MBNL2: variants seen among roughly 807,000 people sequenced by gnomAD.
MBNL2 encodes muscleblind-like protein 2.
MBNL2 carries 17 observed loss-of-function variants against 41.9 expected under a neutral mutation model. The observed-to-expected ratio is 0.41, with a 90% CI of 0.28 to 0.61. The LOEUF is 0.61. Ranked by LOEUF, MBNL2 falls within the 20% of genes least tolerant of loss-of-function variation. MBNL2 has a pLI of 0.35. For synonymous variants in MBNL2, 195 were observed against 182.9 expected, an observed-to-expected ratio of 1.07 and a Z score of -0.53; for missense variants, 336 against 505.6, an observed-to-expected ratio of 0.66 and a Z score of 3.22.
chr13:97,352,473 A>G (rs955374745), intron 5 of MBNL2, among the ~76,000 whole-genome samples: 3 of 152,242 alleles, frequency 2.0e-5, no homozygotes, highest in Admixed American at 6.5e-5. Context: ...GGTGATAGCC[A>G]GTGAGTGCAG....
the MBNL2 span, among the ~76,000 whole-genome samples, chr13:97,181,561 T>TA: frequency 6.6e-6 from 1 of 152,310 alleles, no homozygotes; most frequent in East Asian, 1.9e-4. Flanking sequence ...GTTTTGCTCC[T>TA]AAAAAATTCT....
chr13:97,223,480 C>A (rs2041112992), intron 1 of MBNL2, among the ~76,000 whole-genome samples: 1 of 152,066 alleles, frequency 6.6e-6, no homozygotes, highest in Non-Finnish European at 1.5e-5. Flanking sequence ...TTTTGTTAGG[C>A]CTCGGAAGCA....
intron 1 of MBNL2, among the ~76,000 whole-genome samples, chr13:97,248,665 GAT>G (rs1020013407): frequency 2.0e-5 from 3 of 152,214 alleles, no homozygotes; most frequent in Admixed American, 2.0e-4. Context: ...TTGTGTTTAT[GAT>G]TACTGTAAAG....
At position 97,268,186 on chromosome 13, in the gene MBNL2, C is replaced by G. The variant is rs995803372; in HGVS notation, c.-604-7446C>G. 2.0e-5 allele frequency among the ~76,000 whole-genome samples: 3 copies of G among 152,318 alleles called. No homozygotes were observed. Among genetic ancestry groups the G allele is most frequent in the African/African-American group, 7.2e-5 (3 of 41,578 alleles). On this transcript the variant is annotated intron_variant, in intron 1 of 8. Transcript: ENST00000679496. This position sits in a 1 kb window ranked among gnomAD's most constrained non-coding sequence, Gnocchi z 4.6. Reference sequence around the variant, plus strand: ...CTTGGCTCACTGCAACCTCTGCCTCCTGGGTTCAAGTGATTCTCATGTCTC... The same window carrying G: ...CTTGGCTCACTGCAACCTCTGCCTCGTGGGTTCAAGTGATTCTCATGTCTC...
At chr13:97,388,521 C>T (rs1275519866) in intron 8 of MBNL2, among the ~76,000 whole-genome samples, 1 of 152,044 alleles carries the variant, frequency 6.6e-6, no homozygotes, top group Non-Finnish European at 1.5e-5. Context: ...CCTCTCCCTC[C>T]CGCCAGTCCC....
intron 1 of MBNL2, among the ~76,000 whole-genome samples, chr13:97,264,104 G>A (rs764800752): frequency 1.3e-5 from 2 of 149,972 alleles, no homozygotes; most frequent in African/African-American, 2.5e-5. Context: ...TCTGCCTCCC[G>A]AGTAGCTGGG....
At chr13:97,167,467 G>A in the MBNL2 span, among the ~76,000 whole-genome samples, 1 of 151,804 alleles carries the variant, frequency 6.6e-6, no homozygotes, top group Non-Finnish European at 1.5e-5. Context: ...AACCTAGAAA[G>A]TAAAGGGGAT....
chr13:97,209,119 A>G, the MBNL2 span, among the ~76,000 whole-genome samples: 2 of 152,240 alleles, frequency 1.3e-5, no homozygotes, highest in East Asian at 3.8e-4. Flanking sequence ...TTGGGTAATT[A>G]TATTTTAAAT....
chr13:97,190,737 G>A, the MBNL2 span, among the ~76,000 whole-genome samples: 8 of 152,140 alleles, frequency 5.3e-5, no homozygotes, highest in Admixed American at 4.6e-4. Flanking sequence ...CTCCTGTGAG[G>A]GATGACTCCG....
chr13:97,364,171 A>G (rs1207500767), intron 7 of MBNL2, among the ~76,000 whole-genome samples: 1 of 152,180 alleles, frequency 6.6e-6, no homozygotes, highest in Non-Finnish European at 1.5e-5. Context: ...CGTGTATGTT[A>G]TTATGACCAC....
At chr13:97,218,442 A>AAACAAAACAAC (rs1248985859), upstream of MBNL2, among the ~76,000 whole-genome samples, 29 of 145,594 alleles carry the variant, frequency 2.0e-4, 1 homozygote, top group African/African-American at 7.4e-4. Context: ...AAACAAAACA[A>AAACAAAACAAC]AAAAAAAAAA....
chr13:97,349,642 G>A (rs528773961), intron 5 of MBNL2, among the ~76,000 whole-genome samples: 3 of 152,128 alleles, frequency 2.0e-5, no homozygotes, highest in South Asian at 4.2e-4. Flanking sequence ...ATTCTTATGC[G>A]CCAGCCTCCC....
chr13:97,314,485 C>CTTT (rs2058867110), intron 2 of MBNL2, among the ~76,000 whole-genome samples: 1 of 152,310 alleles, frequency 6.6e-6, no homozygotes, highest in Admixed American at 6.5e-5. Context: ...AAGGCAGGGA[C>CTTT]TTTTGCCTGT....
chr13:97,327,157 G>A (rs1265460487), intron 2 of MBNL2, among the ~76,000 whole-genome samples: 1 of 152,172 alleles, frequency 6.6e-6, no homozygotes, highest in South Asian at 2.1e-4. Flanking sequence ...AGGTCTGTTT[G>A]ATCGAAATTT....
chr13:97,189,217 C>T, the MBNL2 span, among the ~76,000 whole-genome samples: 3 of 152,174 alleles, frequency 2.0e-5, no homozygotes, highest in Non-Finnish European at 4.4e-5. Context: ...TTATACTTAA[C>T]TGTCAAAACA....
At chr13:97,231,707 C>A (rs909174785) in intron 1 of MBNL2, among the ~76,000 whole-genome samples, 5 of 152,328 alleles carry the variant, frequency 3.3e-5, no homozygotes, top group African/African-American at 1.2e-4. Flanking sequence ...AGACGTCTAT[C>A]TTCTCAGTGG....
At chr13:97,390,751 A>G (rs892339380) in intron 8 of MBNL2, among the ~76,000 whole-genome samples, 1 of 152,174 alleles carries the variant, frequency 6.6e-6, no homozygotes, top group East Asian at 1.9e-4. Context: ...TTACTCTTTG[A>G]TATGTGACAT....
At chr13:97,318,795 A>T (rs1349423366) in intron 2 of MBNL2, among the ~76,000 whole-genome samples, 3 of 152,174 alleles carry the variant, frequency 2.0e-5, no homozygotes, top group Non-Finnish European at 4.4e-5. Context: ...TAGCTCACTA[A>T]GTTGGGCTGA....
rs1237961058 is a variant in MBNL2 at position 97,374,943 on chromosome 13, CA to C, written c.1048+9773del. 2.0e-5 allele frequency among the ~76,000 whole-genome samples: 3 copies of C among 152,258 alleles called. No individual in the cohort carries two copies. In the East Asian group the frequency reaches 5.8e-4, roughly 29 times the overall value. On this transcript the variant is annotated intron_variant, in intron 8 of 8. Transcript: ENST00000679496. The stretch of plus-strand genomic sequence containing the variant: ...CCATTTTCAAGGGATGAACAACGGG[CA>C]GGGTTTTCTTCTCTATAAGAGTTGC...
Sources: allele counts gnomAD v4.1 joint callset (sites outside exome capture counted in the v4.1 genomes callset), GRCh38; gene constraint gnomAD v4.1.1; non-coding constraint Gnocchi (gnomAD v3.1); transcripts MANE v1.5; gene names NCBI Gene and HGNC (gene_info 2026-07-23, HGNC 2026-07-21).